The following TTC28 variants were observed in gnomAD, a reference collection of about 807,000 sequenced individuals.
The protein encoded by TTC28 is tetratricopeptide repeat domain 28.
In TTC28, 61 loss-of-function variants were observed where a neutral mutation model predicts 198.0. That is an observed-to-expected ratio of 0.31 (90% confidence interval 0.25 to 0.38). The LOEUF (loss-of-function observed/expected upper bound fraction) is 0.38. TTC28 is among the 10% of genes least tolerant of loss of function. The probability of loss-of-function intolerance (pLI) is 1.00; values close to 1 mark genes in which losing one functional copy is unlikely to be tolerated. For missense variants in TTC28, 2,678 were observed against 3,164.0 expected, an observed-to-expected ratio of 0.85 and a Z score of 3.69; for synonymous variants, 1,171 against 1,297.8, an observed-to-expected ratio of 0.90 and a Z score of 2.10.
chr22:28,293,631 CT>C (rs542920506), intron 5 of TTC28, among the ~76,000 whole-genome samples: 33 of 152,148 alleles, frequency 2.2e-4, no homozygotes, highest in South Asian at 6.2e-4. Context: ...TGTTCCCCCC[CT>C]CCAACAGAAA....
intron 2 of TTC28, among the ~76,000 whole-genome samples, chr22:28,614,106 C>A (rs2050863163): frequency 1.3e-5 from 2 of 152,144 alleles, no homozygotes; most frequent in South Asian, 2.1e-4. Context: ...TCTCAGGATA[C>A]AAAATCAATG....
chr22:28,539,207 G>A (rs539573240), intron 2 of TTC28, among the ~76,000 whole-genome samples: 2 of 152,262 alleles, frequency 1.3e-5, no homozygotes, highest in East Asian at 3.9e-4. Flanking sequence ...ATTGAGGACT[G>A]GAGCTCGGCA....
intron 2 of TTC28, among the ~76,000 whole-genome samples, chr22:28,346,205 T>G (rs2045900237): frequency 6.6e-6 from 1 of 152,226 alleles, no homozygotes; most frequent in Non-Finnish European, 1.5e-5. Flanking sequence ...TAGTTAAGAT[T>G]TGAGACATTA....
intron 2 of TTC28, among the ~76,000 whole-genome samples, chr22:28,435,142 T>A (rs2047499888): frequency 6.6e-6 from 1 of 152,224 alleles, no homozygotes. Context: ...AAATGCTGCT[T>A]AGTATACAGA....
intron 6 of TTC28, among the ~76,000 whole-genome samples, chr22:28,141,913 G>T (rs995388473): frequency 6.6e-6 from 1 of 151,980 alleles, no homozygotes; most frequent in Admixed American, 6.6e-5. Context: ...CACCAAAAGA[G>T]TCTCTTCAGT....
chr22:28,497,379 A>G (rs1241260639), intron 2 of TTC28, among the ~76,000 whole-genome samples: 1 of 152,362 alleles, frequency 6.6e-6, no homozygotes, highest in Non-Finnish European at 1.5e-5. Flanking sequence ...GACTTACTAC[A>G]TAGCTCAGCT....
At chr22:28,184,127 G>A (rs917210750) in intron 5 of TTC28, among the ~76,000 whole-genome samples, 3 of 151,952 alleles carry the variant, frequency 2.0e-5, no homozygotes, top group African/African-American at 7.3e-5. Context: ...TATAAAATGG[G>A]GGTAATGATA....
chr22:28,342,066 A>C (rs2045840724), intron 2 of TTC28, among the ~76,000 whole-genome samples: 2 of 152,104 alleles, frequency 1.3e-5, no homozygotes, highest in African/African-American at 4.8e-5. Context: ...CATGTTTAAA[A>C]CTCTGTAATA....
intron 2 of TTC28, among the ~76,000 whole-genome samples, chr22:28,346,425 T>A (rs1036156658): frequency 6.6e-6 from 1 of 152,226 alleles, no homozygotes; most frequent in Non-Finnish European, 1.5e-5. Context: ...GGCTACTTTA[T>A]GTTCACTGGA....
At chr22:28,536,000 G>C (rs2049264268) in intron 2 of TTC28, among the ~76,000 whole-genome samples, 1 of 151,348 alleles carries the variant, frequency 6.6e-6, no homozygotes, top group African/African-American at 2.4e-5. Flanking sequence ...CACGAGGTCA[G>C]GAAATCAAGA....
At position 28,018,160 on chromosome 22, in the gene TTC28, G is replaced by A. The variant is rs576015199; in HGVS notation, c.4074-3768C>T. 1.7e-3 allele frequency among the ~76,000 whole-genome samples: 255 copies of A among 152,262 alleles called. 1 individual carries two copies. Among genetic ancestry groups the A allele is most frequent in the African/African-American group, 5.9e-3 (247 of 41,540 alleles). ...GACCCTAGCCAGCCCAGTCTGGGTG[G>A]GCCCAGCAGGACCTGGCCACGGGGC... is the stretch of plus-strand genomic sequence containing the variant. On this transcript the variant is annotated intron_variant, in intron 13 of 22. Transcript: ENST00000397906.
At chr22:28,669,295 A>C (rs1282447191) in intron 1 of TTC28, among the ~76,000 whole-genome samples, 1 of 143,732 alleles carries the variant, frequency 7.0e-6, no homozygotes, top group East Asian at 2.0e-4. Flanking sequence ...TAAAACTTAG[A>C]GTATAATAAA....
chr22:28,404,289 T>C (rs1478599668), intron 2 of TTC28, among the ~76,000 whole-genome samples: 1 of 151,982 alleles, frequency 6.6e-6, no homozygotes, highest in African/African-American at 2.4e-5. Flanking sequence ...CCGGCTAATT[T>C]TTGTATTTTT....
intron 3 of TTC28, among the ~76,000 whole-genome samples, chr22:28,301,214 A>C (rs2045016429): frequency 6.6e-6 from 1 of 152,142 alleles, no homozygotes; most frequent in African/African-American, 2.4e-5. Flanking sequence ...TATTATTCTA[A>C]CTCCGATTTT....
intron 5 of TTC28, among the ~76,000 whole-genome samples, chr22:28,166,808 G>T (rs183444108): frequency 1.3e-5 from 2 of 152,086 alleles, no homozygotes; most frequent in African/African-American, 4.8e-5. Flanking sequence ...CAGAAGGCAA[G>T]AAATAACTAA....
chr22:28,065,167 C>G (rs1380024801), intron 12 of TTC28, among the ~76,000 whole-genome samples: 1 of 152,130 alleles, frequency 6.6e-6, no homozygotes, highest in Non-Finnish European at 1.5e-5. Flanking sequence ...TCTTACCATG[C>G]TAGGGTATTT....
chr22:28,447,744 T>C (rs1014878600), intron 2 of TTC28, among the ~76,000 whole-genome samples: 1 of 152,196 alleles, frequency 6.6e-6, no homozygotes, highest in African/African-American at 2.4e-5. Context: ...AGAAAATATA[T>C]TTATGTTTCT....
chr22:28,464,164 G>A (rs1311066732), intron 2 of TTC28, among the ~76,000 whole-genome samples: 1 of 152,100 alleles, frequency 6.6e-6, no homozygotes, highest in Non-Finnish European at 1.5e-5. Context: ...GGAAGAGCTA[G>A]AGACCCAGAA....
At chr22:28,328,941 T>C (rs1056956388) in intron 2 of TTC28, among the ~76,000 whole-genome samples, 5 of 151,804 alleles carry the variant, frequency 3.3e-5, no homozygotes, top group Non-Finnish European at 5.9e-5. Context: ...GCCACTACAT[T>C]AACAAAGAAT....
Sources: gnomAD v4.1 joint callset for allele counts (sites outside exome capture counted in the v4.1 genomes callset) on GRCh38, gnomAD v4.1.1 for gene constraint, MANE v1.5 for transcripts, NCBI Gene and HGNC (gene_info 2026-07-23, HGNC 2026-07-21) for gene names.